The following LHPP variants were observed in gnomAD, a reference collection of about 807,000 sequenced individuals.
LHPP encodes the protein hLHPP.
A neutral mutation model predicts 30.3 loss-of-function variants in LHPP; 24 were observed. The ratio of observed to expected loss-of-function variants is 0.79; its 90% CI spans 0.57 to 1.11. The LOEUF is 1.11. Among genes scored for constraint, LHPP ranks in the 50% most tolerant of loss-of-function variants. The probability of loss-of-function intolerance (pLI) is 0.00; values close to 1 mark genes in which losing one functional copy is unlikely to be tolerated. For missense variants in LHPP, 356 were observed against 367.2 expected, an observed-to-expected ratio of 0.97 and a Z score of 0.25; for synonymous variants, 150 against 157.1, an observed-to-expected ratio of 0.95 and a Z score of 0.34.
chr10:124,572,069 T>G (rs1168978744), intron 6 of LHPP, among the ~76,000 whole-genome samples: 8 of 150,554 alleles, frequency 5.3e-5, no homozygotes, highest in Admixed American at 5.3e-4. Context: ...GCTGGAGGGG[T>G]AGGGGAAGCA....
chr10:124,569,340 G>T (rs1948546696), intron 6 of LHPP, among the ~76,000 whole-genome samples: 1 of 152,190 alleles, frequency 6.6e-6, no homozygotes. Flanking sequence ...CACCCCGTCA[G>T]TTGTCTGTCG....
At chr10:124,534,833 G>A (rs772192368) in intron 6 of LHPP, among the ~76,000 whole-genome samples, 3 of 152,318 alleles carry the variant, frequency 2.0e-5, no homozygotes, top group South Asian at 4.1e-4. Context: ...TGACCTGACC[G>A]TATAAAGTAG....
chr10:124,605,851 GGGGGAA>G (rs1345778562), intron 6 of LHPP, among the ~76,000 whole-genome samples: 7 of 151,848 alleles, frequency 4.6e-5, no homozygotes, highest in Non-Finnish European at 1.0e-4. Flanking sequence ...TGGAGGGGGA[GGGGGAA>G]GGGGAAGGGA....
At chr10:124,498,754 G>A in intron 5 of LHPP, 1 of 459,552 alleles carries the variant, frequency 2.2e-6, no homozygotes, top group South Asian at 1.6e-5. Context: ...ACTGCAGCCT[G>A]GACCTCCCAG....
intron 6 of LHPP, among the ~76,000 whole-genome samples, chr10:124,584,629 GC>G (rs947492302): frequency 6.6e-6 from 1 of 152,036 alleles, no homozygotes; most frequent in Non-Finnish European, 1.5e-5. Flanking sequence ...CCTCCTAAAG[GC>G]CCCACCTCGA....
chr10:124,602,729 C>G (rs1949039467), intron 6 of LHPP, among the ~76,000 whole-genome samples: 1 of 152,200 alleles, frequency 6.6e-6, no homozygotes, highest in Admixed American at 6.5e-5. Flanking sequence ...GCCCTGCCCC[C>G]CAATGGAAGA....
rs1386644421 is a variant in LHPP, at chr10:124,590,801, A to G, written c.717-22463A>G. Among the ~76,000 whole-genome samples the G allele has an allele frequency of 1.3e-5, 2 of 152,162 alleles. No homozygotes were observed. The highest frequency in any genetic ancestry group is 2.9e-5 in the Non-Finnish European group (2 of 68,028). ...CTGCTTCTCTGTCCACAAAACAAAG[A>G]CTAGATAATTAGAGTGCACACTTGG... is the stretch of plus-strand genomic sequence containing the variant. On this transcript the variant is annotated intron_variant, in intron 6 of 6. Coordinates refer to ENST00000368842, the MANE Select transcript of LHPP (RefSeq NM_022126.4). This position sits in a 1 kb window ranked among gnomAD's most constrained non-coding sequence, Gnocchi z 4.3.
chr10:124,572,762 G>C (rs959784916), intron 6 of LHPP, among the ~76,000 whole-genome samples: 1 of 151,980 alleles, frequency 6.6e-6, no homozygotes, highest in Non-Finnish European at 1.5e-5. Flanking sequence ...GGAGGGCTCT[G>C]TTCACATAAT....
intron 6 of LHPP, among the ~76,000 whole-genome samples, chr10:124,538,574 C>T (rs1447857693): frequency 6.6e-6 from 1 of 152,158 alleles, no homozygotes; most frequent in Non-Finnish European, 1.5e-5. Flanking sequence ...GGCCCCATAC[C>T]TGGGGGCCAC....
chr10:124,560,311 G>T (rs1948374458), intron 6 of LHPP, among the ~76,000 whole-genome samples: 1 of 152,180 alleles, frequency 6.6e-6, no homozygotes, highest in Non-Finnish European at 1.5e-5. Flanking sequence ...TTAACATGTG[G>T]CATATTTCCT....
intron 6 of LHPP, among the ~76,000 whole-genome samples, chr10:124,536,696 G>T (rs2133938833): frequency 6.6e-6 from 1 of 152,298 alleles, no homozygotes; most frequent in South Asian, 2.1e-4. Flanking sequence ...GTGCCATTTT[G>T]GAAGGGACCC....
chr10:124,601,231 T>G (rs929448582), intron 6 of LHPP, among the ~76,000 whole-genome samples: 8 of 152,188 alleles, frequency 5.3e-5, no homozygotes, highest in African/African-American at 1.9e-4. Flanking sequence ...TGTGGCAGGC[T>G]GGGCCCGCCT....
intron 5 of LHPP, chr10:124,498,537 G>A (rs1370112550): frequency 7.2e-7 from 1 of 1,390,642 alleles, no homozygotes; most frequent in East Asian, 2.5e-5. Flanking sequence ...TTTTGGGATA[G>A]ATTGCCTTTC....
At chr10:124,553,853 G>A in intron 6 of LHPP, 3 of 983,694 alleles carry the variant, frequency 3.0e-6, no homozygotes, top group South Asian at 9.4e-5. Flanking sequence ...TCCTCTGTCT[G>A]CAGAAGGAGG....
At chr10:124,506,546 C>G (rs574540010) in intron 5 of LHPP, among the ~76,000 whole-genome samples, 1 of 151,270 alleles carries the variant, frequency 6.6e-6, no homozygotes, top group Non-Finnish European at 1.5e-5. Flanking sequence ...AGGAGTGAAG[C>G]CAGGCACCAA....
chr10:124,563,471 T>A (rs753740857), intron 6 of LHPP, among the ~76,000 whole-genome samples: 1 of 152,012 alleles, frequency 6.6e-6, no homozygotes, highest in Non-Finnish European at 1.5e-5. Flanking sequence ...ATGACAAAAT[T>A]CTATCATGCA....
intron 6 of LHPP, among the ~76,000 whole-genome samples, chr10:124,549,804 C>A (rs1453912403): frequency 6.6e-6 from 1 of 152,248 alleles, no homozygotes; most frequent in Non-Finnish European, 1.5e-5. Context: ...GGGTTGAATC[C>A]TGGCTGAGTG....
chr10:124,605,830 G>C (rs34909189), intron 6 of LHPP, among the ~76,000 whole-genome samples: 120,838 of 149,824 alleles, frequency 0.81, 48,984 homozygotes, highest in East Asian at 0.98. Context: ...CCAGGCAGGA[G>C]GGAGAGCCAG....
At position 124,586,077 on chromosome 10, in the gene LHPP, C is replaced by T. The variant is rs367653713; in HGVS notation, c.717-27187C>T. Among the ~76,000 whole-genome samples the T allele has an allele frequency of 3.3e-5, 5 of 152,356 alleles. 1 individual carries two copies. The highest frequency in any genetic ancestry group is 1.2e-4 in the African/African-American group (5 of 41,586). ...GGGATTACAGGCGTGAGCCACACTACACCCGGCCTAGATATGTTTCTAAAA... is the reference window on the plus strand; with the variant it reads ...GGGATTACAGGCGTGAGCCACACTATACCCGGCCTAGATATGTTTCTAAAA... On this transcript the variant is annotated intron_variant, in intron 6 of 6. Coordinates refer to ENST00000368842, the MANE Select transcript of LHPP (RefSeq NM_022126.4).
Sources: allele counts gnomAD v4.1 joint callset (sites outside exome capture counted in the v4.1 genomes callset), GRCh38; gene constraint gnomAD v4.1.1; non-coding constraint Gnocchi (gnomAD v3.1); transcripts MANE v1.5; gene names NCBI Gene and HGNC (gene_info 2026-07-23, HGNC 2026-07-21).